ZNF687: variants seen among roughly 807,000 people sequenced by gnomAD.
ZNF687 encodes the protein zinc finger protein 687.
A neutral mutation model predicts 71.8 loss-of-function variants in ZNF687; 13 were observed. The observed-to-expected ratio is 0.18, with a 90% CI of 0.12 to 0.29. ZNF687 has a LOEUF of 0.29. Among genes scored for constraint, ZNF687 ranks in the 10% least tolerant of loss-of-function variants. The pLI is 1.00. For synonymous variants in ZNF687, 673 were observed against 641.6 expected (o/e 1.05, Z -0.74); for missense variants, 1,412 against 1,625.6 (o/e 0.87, Z 2.26).
chr1:151,288,965 C>T, intron 3 of ZNF687, 130 bp from the exon 4 acceptor site: 1 of 1,098,302 alleles, frequency 9.1e-7, no homozygotes, highest in Non-Finnish European at 1.3e-6. Flanking sequence ...CTCCTTTCTC[C>T]ACCCTGCTCA....
At chr1:151,286,213 A>G in intron 1 of ZNF687, 62 bp from the exon 2 acceptor site, 1 of 1,367,840 alleles carries the variant, frequency 7.3e-7, no homozygotes. Flanking sequence ...TGCTGAGGGA[A>G]GAGCTCCAGG....
chr1:151,290,307 C>T (rs587648471), intron 7 of ZNF687, 73 bp downstream of exon 7: 1 of 1,607,618 alleles, frequency 6.2e-7, no homozygotes, highest in East Asian at 2.2e-5. Flanking sequence ...ACCTGTGCAC[C>T]TGCGACGTGT....
Position 151,286,526 on chromosome 1 carries a change from AT to A in ZNF687, c.238del (p.Ser80LeufsTer2). The A allele has an allele frequency of 6.2e-7, 1 of 1,614,184 alleles. No individual in the cohort carries two copies. On this transcript the variant is annotated frameshift_variant, in exon 2 of 9. Transcript: ENST00000336715. LOFTEE classifies it high-confidence loss of function. ...TGACCATGGCCTGCCACCGCCAGAC[AT>A]TTCTGTAGTCAGTGTCATTGTCAAG... is the stretch of plus-strand genomic sequence containing the variant. ...ASDHGLPPPDISVVSVIVKNT... is the reference protein window; with the variant it reads ...ASDHGLPPPDXSVVSVIVKNT...
At chr1:151,283,384 G>A in intron 1 of ZNF687, 1 of 891,192 alleles carries the variant, frequency 1.1e-6, no homozygotes, top group South Asian at 5.2e-5. Flanking sequence ...TTTGGCTTTT[G>A]GGGAACCACA....
chr1:151,287,155 T>A lies in ZNF687; in HGVS notation c.864T>A (p.Asp288Glu), dbSNP rs754881832. The A allele has an allele frequency of 8.7e-6, 14 of 1,613,930 alleles. No individual in the cohort carries two copies. In the East Asian group the frequency reaches 2.9e-4, roughly 33 times the overall value. Residue 288 changes from aspartate (D) to glutamate (E), a missense_variant, in exon 2 of 9, where the codon GAT becomes GAA. Asp to Glu is a conservative substitution (Grantham distance 45). This residue lies in a region of ZNF687 where 490 missense variants were observed against 489.9 expected (regional missense o/e 1.00). Coordinates refer to ENST00000336715, the MANE Select transcript of ZNF687 (RefSeq NM_020832.3). This position sits in a 1 kb window ranked among gnomAD's most constrained non-coding sequence, Gnocchi z 5.0. ...TCTGTCAGCCCTTGAAGGAAGAAGA[T>A]GATGATGAGGGGCCAGTGGACAAGT... ...VPVCQPLKEE[D>E]DDEGPVDKSS...
rs1571112365 is a variant in ZNF687 at position 151,291,356 on chromosome 1, GATT to G, written c.*151_*153del. 2 of 1,161,216 alleles carry G rather than the reference GATT, an allele frequency of 1.7e-6. No homozygotes were observed. The highest frequency in any genetic ancestry group is 5.8e-5 in the Admixed American group (2 of 34,390). The allele number at this position is 1,161,216 out of a possible 1,614,324, so 71.9% of individuals were successfully genotyped here. A position where few individuals can be genotyped will look rare whatever the true frequency, so the allele number is the denominator to read the frequency against. On this transcript the variant is annotated 3_prime_UTR_variant, in exon 9 of 9. Coordinates refer to ENST00000336715, the MANE Select transcript of ZNF687 (RefSeq NM_020832.3). ...AACCTGAAGAAGAAGAGCATTTGAG[GATT>G]ATTCTAGTTATTTGCAACCTCCCTT...
intron 3 of ZNF687, 23 bp downstream of exon 3, chr1:151,288,729 A>C: frequency 5.0e-6 from 8 of 1,595,610 alleles, no homozygotes; most frequent in Non-Finnish European, 6.0e-6. Flanking sequence ...CTTCCTCCAT[A>C]GAACTGTAGG....
In ZNF687 at chr1:151,282,438, CT is replaced by C. The variant is rs762353292; in HGVS notation, c.-18+45del. On this transcript the variant is annotated intron_variant, in intron 1 of 8. Coordinates refer to ENST00000336715, the MANE Select transcript of ZNF687 (RefSeq NM_020832.3). ...AAATACCCGCCCTTGGCTCCGCCCC[CT>C]TGGGGGGGGCGGGTAAATACCCCCG... 616 of 984,780 alleles carry C rather than the reference CT, an allele frequency of 6.3e-4. 1 individual carries two copies. The highest frequency in any genetic ancestry group is 6.3e-4 in the Non-Finnish European group (519 of 828,882). 61.0% of individuals were successfully genotyped at this position (984,780 alleles called of 1,614,324 possible). A position where few individuals can be genotyped will look rare whatever the true frequency, so the allele number is the denominator to read the frequency against.
Position 151,290,000 on chromosome 1 carries a change from A to C in ZNF687, c.2957A>C (p.His986Pro), listed in dbSNP as rs1351423779. ...DEYVAHMKKE[H>P]GKSVKKFPCR... Reference sequence around the variant, plus strand: ...TACGTGGCCCACATGAAGAAGGAGCATGGCAAGGTGAGTGGGCCCCAAGGG... The same window carrying C: ...TACGTGGCCCACATGAAGAAGGAGCCTGGCAAGGTGAGTGGGCCCCAAGGG... Residue 986 changes from histidine to proline, a missense_variant, in exon 6 of 9, where the codon CAT (histidine) becomes CCT (proline). His to Pro is a moderately conservative substitution (Grantham distance 77, BLOSUM62 -2). Around this residue, in one of 8 missense-constraint regions of ZNF687, gnomAD observed 284 missense variants for 359.2 expected, o/e 0.79. Coordinates refer to ENST00000336715, the MANE Select transcript of ZNF687 (RefSeq NM_020832.3). 1 of 1,585,114 alleles carries C rather than the reference A, an allele frequency of 6.3e-7. No individual in the cohort carries two copies.
At chr1:151,288,804 C>T (rs587769538) in intron 3 of ZNF687, 98 bp downstream of exon 3, 3 of 1,365,882 alleles carry the variant, frequency 2.2e-6, no homozygotes, top group East Asian at 4.6e-5. Context: ...CCTGCTATAT[C>T]CCTCAGCCCT....
chr1:151,285,754 G>C (rs1693920707), intron 1 of ZNF687: 1 of 152,766 alleles, frequency 6.5e-6, no homozygotes, highest in Admixed American at 6.5e-5. Flanking sequence ...GCTCTGTCCA[G>C]GCTGGAGTGC....
rs1362550793 is a variant in ZNF687 at position 151,288,421 on chromosome 1, A to ACAGCC, written c.2115+17_2115+21dup. The ACAGCC allele has an allele frequency of 1.9e-6, 3 of 1,598,948 alleles. No homozygotes were observed. The highest frequency in any genetic ancestry group is 2.6e-6 in the Non-Finnish European group (3 of 1,172,096). ...CCACCAGCAATGTGAGTCACCTTTC[A>ACAGCC]CAGCCCTTCTGTGGGGACAGGATCT... is the stretch of plus-strand genomic sequence containing the variant. On this transcript the variant is annotated intron_variant, in intron 2 of 8. Transcript: ENST00000336715.
intron 1 of ZNF687, chr1:151,285,580 A>AT (rs1693913284): frequency 6.6e-6 from 1 of 151,136 alleles, no homozygotes; most frequent in Non-Finnish European, 1.5e-5. Flanking sequence ...TGCCCAGCTA[A>AT]TTTTTGTATT....
chr1:151,288,273 C>T lies in ZNF687; in HGVS notation c.1982C>T (p.Pro661Leu), dbSNP rs769415035. The T allele has an allele frequency of 1.5e-5, 25 of 1,613,538 alleles. No individual in the cohort carries two copies. The highest frequency in any genetic ancestry group is 1.2e-4 in the Admixed American group (7 of 60,006). Residue 661 changes from proline (P) to leucine (L), a missense_variant, in exon 2 of 9, where the codon CCG becomes CTG. Coordinates refer to ENST00000336715, the MANE Select transcript of ZNF687 (RefSeq NM_020832.3). Reference sequence around the variant, plus strand: ...CCTGTCCTGCCGCTCTCCACAGAGCCGCCTGCTGCCCCGGCCACCTCTGCT... The same window carrying T: ...CCTGTCCTGCCGCTCTCCACAGAGCTGCCTGCTGCCCCGGCCACCTCTGCT... The part of the protein sequence containing the change: ...EAPVLPLSTE[P>L]PAAPATSAYT...
rs968133310 is a variant in ZNF687 at position 151,286,539 on chromosome 1, G to A, written c.248G>A (p.Ser83Asn). The A allele has an allele frequency of 6.2e-7, 1 of 1,614,226 alleles. No homozygotes were observed. Among genetic ancestry groups the A allele is most frequent in the Admixed American group, 1.7e-5 (1 of 60,024 alleles). The stretch of plus-strand genomic sequence containing the variant: ...CCACCGCCAGACATTTCTGTAGTCA[G>A]TGTCATTGTCAAGAACACTGTGTGT... ...GLPPPDISVV[S>N]VIVKNTVCPE... Residue 83 changes from serine to asparagine, a missense_variant, in exon 2 of 9, where the codon AGT becomes AAT. Coordinates refer to ENST00000336715, the MANE Select transcript of ZNF687 (RefSeq NM_020832.3).
chr1:151,290,492 G>A lies in ZNF687; in HGVS notation c.3138G>A (p.Gln1046=), dbSNP rs769146906. ...SSRLILEKHV[Q]VRHGLQLGAQ... ...GCCTGATCCTAGAGAAACATGTCCAGGTCCGGCACGGCTTGCAGCTTGGGG... is the reference window on the plus strand; with the variant it reads ...GCCTGATCCTAGAGAAACATGTCCAAGTCCGGCACGGCTTGCAGCTTGGGG... Residue 1046 remains glutamine (Q), a synonymous_variant, in exon 8 of 9, where the codon CAG becomes CAA. Transcript: ENST00000336715. 10 of 1,613,902 alleles carry A rather than the reference G, an allele frequency of 6.2e-6. No individual in the cohort carries two copies. The African/African-American group carries it at 1.3e-4, about 22-fold the overall frequency.
Position 151,289,387 on chromosome 1 carries a change from C to G in ZNF687, c.2481C>G (p.Tyr827Ter). Residue 827 changes from tyrosine (Y) to a stop codon, truncating the protein, a stop_gained, in exon 5 of 9, where the codon TAC (tyrosine) becomes TAG (stop). Coordinates refer to ENST00000336715, the MANE Select transcript of ZNF687 (RefSeq NM_020832.3). LOFTEE classifies it high-confidence loss of function. ...ACTGTCCTCACTTCAGGCTGATCTA[C>G]AAGTGCGCCATGTGCGACACAGTCT... is the stretch of plus-strand genomic sequence containing the variant. The part of the protein sequence containing the change: ...SFQTQQAKLI[Y>*]KCAMCDTVFT... 1 of 1,614,174 alleles carries G rather than the reference C, an allele frequency of 6.2e-7. No individual in the cohort carries two copies. Among genetic ancestry groups the G allele is most frequent in the East Asian group, 2.2e-5 (1 of 44,890 alleles).
chr1:151,291,313 G>C lies in ZNF687; in HGVS notation c.*104G>C. The C allele has an allele frequency of 7.4e-7, 1 of 1,356,188 alleles. No individual in the cohort carries two copies. The highest frequency in any genetic ancestry group is 9.9e-7 in the Non-Finnish European group (1 of 1,014,172). 84.0% of individuals were successfully genotyped at this position (1,356,188 alleles called of 1,614,324 possible). ...GAGTTTTCATTAACATTAATATTTT[G>C]TTAATTCCTGTCTCTCCAACCTGAA... On this transcript the variant is annotated 3_prime_UTR_variant, in exon 9 of 9. Coordinates refer to ENST00000336715, the MANE Select transcript of ZNF687 (RefSeq NM_020832.3).
chr1:151,282,656 AGGCACCCGAAGTGC>A (rs1167659885), intron 1 of ZNF687, among the ~76,000 whole-genome samples: 9 of 152,004 alleles, frequency 5.9e-5, no homozygotes, highest in Admixed American at 1.3e-4. Context: ...CCGGCTCGAG[AGGCACCCGAAGTGC>A]GGCCCGGAGA....
Sources: gnomAD v4.1 joint callset for allele counts (sites outside exome capture counted in the v4.1 genomes callset) on GRCh38, gnomAD v4.1.1 for gene constraint, gnomAD v4.1.1 regional missense constraint, Gnocchi (gnomAD v3.1) non-coding constraint, MANE v1.5 for transcripts, NCBI Gene and HGNC (gene_info 2026-07-23, HGNC 2026-07-21) for gene names.